The following CKAP5 variants were observed in gnomAD, a reference collection of about 807,000 sequenced individuals.
CKAP5 encodes cytoskeleton associated protein 5, also known as cytoskeleton-associated protein 5.
A neutral mutation model predicts 232.8 loss-of-function variants in CKAP5; 27 were observed. The observed-to-expected ratio is 0.12, with a 90% CI of 0.09 to 0.16. The LOEUF is 0.16. Ranked by LOEUF, CKAP5 falls within the 10% of genes least tolerant of loss-of-function variation. The pLI is 1.00. For synonymous variants in CKAP5, 785 were observed against 841.1 expected (o/e 0.93, Z 1.16); for missense variants, 1,838 against 2,424.7 (o/e 0.76, Z 5.08).
intron 11 of CKAP5, 25 bp downstream of exon 11, chr11:46,797,780 C>T (rs1235844973): frequency 4.4e-6 from 7 of 1,580,680 alleles, no homozygotes; most frequent in African/African-American, 1.4e-5. Context: ...TAAAATATTC[C>T]CCCAACTTCA....
intron 25 of CKAP5, among the ~76,000 whole-genome samples, chr11:46,770,423 T>C (rs2065237585): frequency 6.6e-6 from 1 of 152,186 alleles, no homozygotes; most frequent in Admixed American, 6.5e-5. Flanking sequence ...CTCATATAAA[T>C]TCATGTTTAA....
chr11:46,762,505 A>C, intron 31 of CKAP5, 122 bp downstream of exon 31: 2 of 1,222,522 alleles, frequency 1.6e-6, no homozygotes, highest in South Asian at 1.2e-5. Flanking sequence ...TCACAGTCTA[A>C]ATCAGGAGGT....
intron 27 of CKAP5, among the ~76,000 whole-genome samples, chr11:46,766,155 T>C (rs551526792): frequency 6.6e-6 from 1 of 152,370 alleles, no homozygotes; most frequent in East Asian, 1.9e-4. Flanking sequence ...TCATTATTAT[T>C]ATAAATGTAG....
At chr11:46,772,746 G>GT (rs950605442) in intron 24 of CKAP5, among the ~76,000 whole-genome samples, 28 of 136,478 alleles carry the variant, frequency 2.1e-4, no homozygotes, top group Non-Finnish European at 3.7e-4. Flanking sequence ...TTTTTTTTTT[G>GT]TTTTTTTGTT....
chr11:46,804,717 T>C (rs1160513143), intron 8 of CKAP5, among the ~76,000 whole-genome samples: 2 of 151,542 alleles, frequency 1.3e-5, no homozygotes, highest in Admixed American at 6.6e-5. Flanking sequence ...TAGAAAACTA[T>C]GATGAAAACA....
intron 28 of CKAP5, among the ~76,000 whole-genome samples, chr11:46,764,195 G>A (rs990989079): frequency 6.6e-6 from 1 of 152,066 alleles, no homozygotes; most frequent in African/African-American, 2.4e-5. Context: ...TATATAACAT[G>A]GTGGACACTG....
chr11:46,825,138 G>C (rs758077602), intron 1 of CKAP5, among the ~76,000 whole-genome samples: 4 of 152,288 alleles, frequency 2.6e-5, no homozygotes, highest in Middle Eastern at 3.4e-3. Flanking sequence ...TTTTAGACTA[G>C]AGGTTAAGAA....
At chr11:46,778,070 A>T in intron 22 of CKAP5, 69 bp downstream of exon 22, 1 of 1,323,860 alleles carries the variant, frequency 7.6e-7, no homozygotes, top group Non-Finnish European at 1.0e-6. Context: ...AGTGAAGGCT[A>T]CACTGAAAAG....
At chr11:46,760,476 AC>A (rs2065144840) in intron 33 of CKAP5, 135 bp downstream of exon 33, 3 of 826,256 alleles carry the variant, frequency 3.6e-6, no homozygotes, top group Non-Finnish European at 5.9e-6. Context: ...ACATTTGGTT[AC>A]AATACATTTA....
intron 8 of CKAP5, among the ~76,000 whole-genome samples, chr11:46,807,345 A>G (rs7129622): frequency 0.16 from 23,928 of 152,156 alleles, 2,986 homozygotes; most frequent in African/African-American, 0.35. Context: ...TATAATTAAA[A>G]ATCAACTTCC....
Position 46,750,255 on chromosome 11 carries a change from C to CT in CKAP5, c.5704+18dup. On this transcript the variant is annotated intron_variant, in intron 42 of 43. Transcript: ENST00000529230. ...AGCTATTTTGAGCTTATTCCTGGAG[C>CT]TATAACAGGAAACCATACCTGTTGA... 6.2e-7 allele frequency: 1 copy of CT among 1,609,256 alleles called. No individual in the cohort carries two copies. The highest frequency in any genetic ancestry group is 1.3e-5 in the African/African-American group (1 of 74,684).
chr11:46,843,384 C>T (rs979709628), intron 1 of CKAP5, among the ~76,000 whole-genome samples: 5 of 152,000 alleles, frequency 3.3e-5, no homozygotes, highest in African/African-American at 1.2e-4. Flanking sequence ...ATGGAAGCCC[C>T]AGGTACAGTA....
At chr11:46,777,626 T>C in intron 22 of CKAP5, 74 bp from the exon 23 acceptor site, 1 of 912,036 alleles carries the variant, frequency 1.1e-6, no homozygotes, top group Non-Finnish European at 1.7e-6. Context: ...AATTTGCTGC[T>C]ATACTGTCAA....
In CKAP5 at chr11:46,818,379, T is replaced by C. The variant is rs745667001; in HGVS notation, c.182A>G (p.Asn61Ser). Reference protein sequence around the residue: ...GLIKKFVTDSNAVVQLKGLEA... With the variant: ...GLIKKFVTDSSAVVQLKGLEA... ...TAATCCTTTCAATTGAACCACTGCA[T>C]TGGAATCAGTGACAAATTTTTTGAT... The change falls in exon 3 of 44, where the codon AAT becomes AGT. Residue 61 changes from asparagine to serine, a missense_variant. By Grantham distance (46) the Asn-to-Ser change is conservative. Coordinates refer to ENST00000529230, the MANE Select transcript of CKAP5 (RefSeq NM_001008938.4). 6.8e-6 allele frequency: 11 copies of C among 1,612,472 alleles called. No homozygotes were observed. The highest frequency in any genetic ancestry group is 3.3e-5 in the South Asian group (3 of 90,806).
At chr11:46,769,137 C>A (rs2065227662) in intron 26 of CKAP5, among the ~76,000 whole-genome samples, 1 of 152,128 alleles carries the variant, frequency 6.6e-6, no homozygotes, top group South Asian at 2.1e-4. Flanking sequence ...CCAGGCTGAT[C>A]TCAAACTCCT....
chr11:46,811,101 G>T lies in CKAP5; in HGVS notation c.536C>A (p.Ala179Asp). 1 of 1,613,924 alleles carries T rather than the reference G, an allele frequency of 6.2e-7. No individual in the cohort carries two copies. Among genetic ancestry groups the T allele is most frequent in the Non-Finnish European group, 8.5e-7 (1 of 1,179,870 alleles). ...LPKLFESREK[A>D]VRDEAKLIAV... ...AATTAGTTTGGCTTCATCTCGAACA[G>T]CCTTCTCTCGAGACTCAAAGAGTTT... Residue 179 changes from alanine to aspartate, a missense_variant, in exon 5 of 44, where the codon GCT (alanine) becomes GAT (aspartate). By Grantham distance (126) the Ala-to-Asp change is moderately radical (BLOSUM62 -2). Around this residue, in one of 6 missense-constraint regions of CKAP5, gnomAD observed 285 missense variants for 300.0 expected, o/e 0.95. Transcript: ENST00000529230.
At chr11:46,789,568 G>A (rs938262774) in intron 15 of CKAP5, among the ~76,000 whole-genome samples, 12 of 152,014 alleles carry the variant, frequency 7.9e-5, no homozygotes, top group South Asian at 2.1e-4. Flanking sequence ...AGGCTGAGGC[G>A]GGCGGATCAC....
Position 46,767,617 on chromosome 11 carries a change from A to G in CKAP5, c.3369T>C (p.Asp1123=). ...ATCCTGGAGCTTTGGCCTTTTTTGG[A>G]TCAGGTTTGGGTTCTGTACTGCTGG... The part of the protein sequence containing the change: ...CISSSTEPKP[D]PKKAKAPGLS... Residue 1123 remains aspartate, a synonymous_variant, in exon 27 of 44, where the codon GAT becomes GAC. Transcript: ENST00000529230. 6.2e-7 allele frequency: 1 copy of G among 1,612,738 alleles called. No individual in the cohort carries two copies. The highest frequency in any genetic ancestry group is 8.5e-7 in the Non-Finnish European group (1 of 1,179,262).
At chr11:46,774,734 T>C (rs756888034) in intron 24 of CKAP5, among the ~76,000 whole-genome samples, 2 of 152,034 alleles carry the variant, frequency 1.3e-5, no homozygotes, top group Non-Finnish European at 2.9e-5. Context: ...AAACAAGAAA[T>C]GGGGAAAGGA....
Sources: gnomAD v4.1 joint callset for allele counts (sites outside exome capture counted in the v4.1 genomes callset) on GRCh38, gnomAD v4.1.1 for gene constraint, gnomAD v4.1.1 regional missense constraint, MANE v1.5 for transcripts, NCBI Gene and HGNC (gene_info 2026-07-23, HGNC 2026-07-21) for gene names.